The following TTC28 variants were observed in gnomAD, a reference collection of about 807,000 sequenced individuals.
TTC28 encodes tetratricopeptide repeat domain 28.
TTC28 carries 61 observed loss-of-function variants against 198.0 expected under a neutral mutation model. The observed-to-expected ratio is 0.31, with a 90% CI of 0.25 to 0.38. TTC28 has a LOEUF of 0.38. TTC28 is among the 10% of genes least tolerant of loss of function. The probability of loss-of-function intolerance (pLI) is 1.00; values close to 1 mark genes in which losing one functional copy is unlikely to be tolerated. For missense variants in TTC28, 2,678 were observed against 3,164.0 expected, an observed-to-expected ratio of 0.85 and a Z score of 3.69; for synonymous variants, 1,171 against 1,297.8, an observed-to-expected ratio of 0.90 and a Z score of 2.10.
At chr22:28,065,106 A>T (rs958873814) in intron 12 of TTC28, among the ~76,000 whole-genome samples, 1 of 152,178 alleles carries the variant, frequency 6.6e-6, no homozygotes, top group Non-Finnish European at 1.5e-5. Flanking sequence ...CACCCCTTGC[A>T]TAGCGGCTTG....
intron 2 of TTC28, among the ~76,000 whole-genome samples, chr22:28,349,844 C>G (rs1455178827): frequency 6.6e-6 from 1 of 152,214 alleles, no homozygotes; most frequent in South Asian, 2.1e-4. Context: ...TAACTTTATA[C>G]TAACAAGTTG....
At chr22:28,034,469 C>A (rs570423514) in intron 12 of TTC28, among the ~76,000 whole-genome samples, 1 of 152,336 alleles carries the variant, frequency 6.6e-6, no homozygotes, top group African/African-American at 2.4e-5. Context: ...TCCCTCGTGG[C>A]TCTCTGGACC....
intron 2 of TTC28, among the ~76,000 whole-genome samples, chr22:28,522,107 G>C (rs961663268): frequency 3.9e-5 from 6 of 152,070 alleles, no homozygotes; most frequent in Non-Finnish European, 8.8e-5. Flanking sequence ...ACAACTATGA[G>C]CAAAAAACAA....
chr22:28,424,722 T>C (rs1465318940), intron 2 of TTC28, among the ~76,000 whole-genome samples: 1 of 152,222 alleles, frequency 6.6e-6, no homozygotes, highest in Non-Finnish European at 1.5e-5. Flanking sequence ...TAACCACATT[T>C]AGTCAAACAT....
chr22:28,306,619 G>A lies in TTC28; in HGVS notation c.406C>T (p.Leu136Phe). 8 of 1,551,508 alleles carry A rather than the reference G, an allele frequency of 5.2e-6. No homozygotes were observed. The South Asian group carries it at 9.5e-5, about 18-fold the overall frequency. ...TCGGCATGACGTCCAAGGTACTGGA[G>A]GGCAACACCCTGTCGGAAGTATGCC... ...PKAYFRQGVA[L>F]QYLGRHADAL... The change falls in exon 3 of 23, where the codon CTC (leucine) becomes TTC (phenylalanine). Residue 136 changes from leucine to phenylalanine, a missense_variant. Physicochemically the swap from Leu to Phe is conservative, Grantham distance 22. Transcript: ENST00000397906.
intron 2 of TTC28, among the ~76,000 whole-genome samples, chr22:28,541,382 G>A (rs1349727209): frequency 6.6e-6 from 1 of 152,150 alleles, no homozygotes; most frequent in Non-Finnish European, 1.5e-5. Context: ...AGAGGTCAGA[G>A]TTAGGAAGAC....
chr22:28,604,393 A>C (rs770994544), intron 2 of TTC28, among the ~76,000 whole-genome samples: 3 of 150,714 alleles, frequency 2.0e-5, no homozygotes, highest in Non-Finnish European at 4.4e-5. Flanking sequence ...AATATTAAAA[A>C]ATATTTCTAT....
chr22:28,505,709 C>G (rs2048602373), intron 2 of TTC28, among the ~76,000 whole-genome samples: 1 of 152,204 alleles, frequency 6.6e-6, no homozygotes, highest in South Asian at 2.1e-4. Context: ...CCAGAATCCC[C>G]CGCAAGGCAG....
intron 6 of TTC28, among the ~76,000 whole-genome samples, chr22:28,159,823 C>T (rs1367686331): frequency 1.3e-5 from 2 of 152,134 alleles, no homozygotes; most frequent in African/African-American, 2.4e-5. Context: ...AAGTGTCCAT[C>T]AACAGATGAA....
At chr22:28,003,294 G>C (rs2146555181) in intron 14 of TTC28, among the ~76,000 whole-genome samples, 1 of 152,288 alleles carries the variant, frequency 6.6e-6, no homozygotes, top group South Asian at 2.1e-4. Context: ...AGCCGCAGTG[G>C]CACAGCTGAT....
chr22:28,409,847 G>A (rs1346986373), intron 2 of TTC28, among the ~76,000 whole-genome samples: 2 of 151,464 alleles, frequency 1.3e-5, no homozygotes, highest in Non-Finnish European at 2.9e-5. Flanking sequence ...TGCTAGAGAT[G>A]GGGCTTCACC....
At chr22:28,286,822 A>C (rs1280757245) in intron 5 of TTC28, among the ~76,000 whole-genome samples, 1 of 152,138 alleles carries the variant, frequency 6.6e-6, no homozygotes, top group Admixed American at 6.5e-5. Flanking sequence ...ACAAAACCTA[A>C]GGATAAAATT....
At chr22:28,435,657 T>A (rs2146211926) in intron 2 of TTC28, among the ~76,000 whole-genome samples, 1 of 152,304 alleles carries the variant, frequency 6.6e-6, no homozygotes, top group African/African-American at 2.4e-5. Flanking sequence ...TGTAGCCTCT[T>A]ACACTGGCAA....
At chr22:28,074,397 T>C (rs1941099396) in intron 12 of TTC28, among the ~76,000 whole-genome samples, 1 of 152,208 alleles carries the variant, frequency 6.6e-6, no homozygotes, top group Admixed American at 6.5e-5. Context: ...AATGTCTGAA[T>C]TAATCAACAG....
At chr22:28,294,679 C>T (rs931138295) in intron 5 of TTC28, among the ~76,000 whole-genome samples, 6 of 152,004 alleles carry the variant, frequency 3.9e-5, no homozygotes, top group African/African-American at 1.4e-4. Context: ...AGCAATTCTC[C>T]TGCCTCAGCC....
At chr22:28,445,257 A>T (rs1286645922) in intron 2 of TTC28, among the ~76,000 whole-genome samples, 2 of 152,268 alleles carry the variant, frequency 1.3e-5, no homozygotes, top group East Asian at 3.8e-4. Context: ...ATAGAAAGGT[A>T]TAAGACTAAG....
chr22:28,378,670 CAGAG>C (rs984585458), intron 2 of TTC28, among the ~76,000 whole-genome samples: 4 of 150,824 alleles, frequency 2.7e-5, no homozygotes, highest in Admixed American at 6.6e-5. Context: ...AAAAAAAAAG[CAGAG>C]AGAGAGAGAA....
chr22:28,530,122 A>G (rs1239989787), intron 2 of TTC28, among the ~76,000 whole-genome samples: 1 of 152,206 alleles, frequency 6.6e-6, no homozygotes, highest in African/African-American at 2.4e-5. Flanking sequence ...GAGCTAAAGG[A>G]GGATGTTCGA....
At chr22:28,577,788 G>C (rs778192949) in intron 2 of TTC28, among the ~76,000 whole-genome samples, 1 of 151,856 alleles carries the variant, frequency 6.6e-6, no homozygotes, top group Non-Finnish European at 1.5e-5. Flanking sequence ...AGCTATTCCT[G>C]CTCTTTTTTG....
Sources: allele counts gnomAD v4.1 joint callset (sites outside exome capture counted in the v4.1 genomes callset), GRCh38; gene constraint gnomAD v4.1.1; transcripts MANE v1.5; gene names NCBI Gene and HGNC (gene_info 2026-07-23, HGNC 2026-07-21).